GYPC: variants seen among roughly 807,000 people sequenced by gnomAD.
GYPC encodes the protein glycophorin C (Gerbich blood group).
Under a neutral mutation model 12.6 loss-of-function variants are expected in GYPC, and 14 were observed. That is an observed-to-expected ratio of 1.11 (90% CI 0.74 to 1.74). GYPC has a LOEUF of 1.74. Among genes scored for constraint, GYPC ranks in the 40% most tolerant of loss-of-function variants. GYPC has a pLI of 0.00. For synonymous variants in GYPC, 78 were observed against 62.1 expected (o/e 1.26, Z -1.20); for missense variants, 225 against 172.1 (o/e 1.31, Z -1.72).
At chr2:126,675,320 T>C (rs1390406533) in intron 1 of GYPC, among the ~76,000 whole-genome samples, 1 of 152,228 alleles carries the variant, frequency 6.6e-6, no homozygotes, top group Non-Finnish European at 1.5e-5. Context: ...TTTACTGTAA[T>C]TGTGGAAGTG....
intron 1 of GYPC, among the ~76,000 whole-genome samples, chr2:126,668,052 A>G (rs1438833765): frequency 6.6e-6 from 1 of 152,158 alleles, no homozygotes; most frequent in African/African-American, 2.4e-5. Context: ...GACACAGGTA[A>G]CAGTGCCAGG....
At chr2:126,670,684 T>C (rs1682826814) in intron 1 of GYPC, among the ~76,000 whole-genome samples, 1 of 151,948 alleles carries the variant, frequency 6.6e-6, no homozygotes, top group Admixed American at 6.5e-5. Context: ...GTGGATGAAG[T>C]CCCAGACCTA....
chr2:126,663,602 G>A (rs925422040), intron 1 of GYPC, among the ~76,000 whole-genome samples: 1 of 152,214 alleles, frequency 6.6e-6, no homozygotes, highest in African/African-American at 2.4e-5. Context: ...ATGAGTGAAG[G>A]AATGAGTGAA....
Position 126,671,035 on chromosome 2 carries a change from T to C in GYPC, c.49+14723T>C, listed in dbSNP as rs12476680. Among the ~76,000 whole-genome samples, 890 of 152,172 alleles carry C rather than the reference T, an allele frequency of 5.8e-3. 40 individuals carry two copies. Among genetic ancestry groups the C allele is most frequent in the Admixed American group, 0.039 (603 of 15,284 alleles). ...CTAGGCCTGGGCCCACCTGACCCCATTGCACCTCAACCCCGTGAGTGGATG... is the reference window on the plus strand; with the variant it reads ...CTAGGCCTGGGCCCACCTGACCCCACTGCACCTCAACCCCGTGAGTGGATG... On this transcript the variant is annotated intron_variant, in intron 1 of 3. Transcript: ENST00000259254.
intron 1 of GYPC, among the ~76,000 whole-genome samples, chr2:126,688,717 C>T (rs28387197): frequency 0.013 from 2,027 of 151,786 alleles, 49 homozygotes; most frequent in African/African-American, 0.046. Context: ...GGCCCACCTG[C>T]TTCCTGCTGT....
rs55805124 is a variant in GYPC at position 126,678,080 on chromosome 2, GC to G, written c.50-12172del. ...ACTAAAAATACAAGAAAATTAGCCGGCCCTGGTGGCACGCACCTGTAATCCC... is the reference window on the plus strand; with the variant it reads ...ACTAAAAATACAAGAAAATTAGCCGGCCTGGTGGCACGCACCTGTAATCCC... On this transcript the variant is annotated intron_variant, in intron 1 of 3. Coordinates refer to ENST00000259254, the MANE Select transcript of GYPC (RefSeq NM_002101.5). Among the ~76,000 whole-genome samples the G allele has an allele frequency of 3.2e-3, 485 of 152,136 alleles. 1 individual carries two copies. The highest frequency in any genetic ancestry group is 0.011 in the African/African-American group (458 of 41,496).
At chr2:126,691,701 G>T (rs768986625) in intron 2 of GYPC, among the ~76,000 whole-genome samples, 1 of 152,138 alleles carries the variant, frequency 6.6e-6, no homozygotes, top group Admixed American at 6.6e-5. Context: ...TCTTGCAACT[G>T]TTGCAAGGAC....
chr2:126,689,875 G>T (rs570316771), intron 1 of GYPC, among the ~76,000 whole-genome samples: 3 of 152,330 alleles, frequency 2.0e-5, no homozygotes, highest in Non-Finnish European at 4.4e-5. Context: ...CCTGGTGTGA[G>T]CATCAGACAC....
At position 126,696,178 on chromosome 2, in the gene GYPC, C is replaced by G. The variant is rs752050940; in HGVS notation, c.*36C>G. 1 of 1,479,272 alleles carries G rather than the reference C, an allele frequency of 6.8e-7. No individual in the cohort carries two copies. The highest frequency in any genetic ancestry group is 9.4e-7 in the Non-Finnish European group (1 of 1,059,776). 91.6% of individuals were successfully genotyped at this position (1,479,272 alleles called of 1,614,324 possible). On this transcript the variant is annotated 3_prime_UTR_variant, in exon 4 of 4. Coordinates refer to ENST00000259254, the MANE Select transcript of GYPC (RefSeq NM_002101.5). ...ACTTCACTTCCCTGAATGCCTCCCC[C>G]ATCTCCATCAGGAAAAATACACCCC...
At chr2:126,659,496 A>G (rs1304760824) in intron 1 of GYPC, among the ~76,000 whole-genome samples, 1 of 152,168 alleles carries the variant, frequency 6.6e-6, no homozygotes, top group Non-Finnish European at 1.5e-5. Context: ...AGTGGGAATG[A>G]TAACAGCCAC....
chr2:126,667,958 A>C (rs960623618), intron 1 of GYPC, among the ~76,000 whole-genome samples: 1 of 152,192 alleles, frequency 6.6e-6, no homozygotes, highest in Admixed American at 6.5e-5. Flanking sequence ...GGAAGGGGAG[A>C]TCCAGGAGCA....
Position 126,690,294 on chromosome 2 carries a change from A to G in GYPC, c.89A>G (p.His30Arg). The change falls in exon 2 of 4, where the codon CAT becomes CGT. Residue 30 changes from histidine (H) to arginine (R), a missense_variant. By Grantham distance (29) the His-to-Arg change is conservative (BLOSUM62 0). Transcript: ENST00000259254. The part of the protein sequence containing the change: ...PGMASASTTM[H>R]TTTIAEPDPG... ...ATGGCCTCTGCCTCCACCACAATGC[A>G]TACTACCACCATTGCAGGTGAGTTC... 1.2e-6 allele frequency: 2 copies of G among 1,612,312 alleles called. No individual in the cohort carries two copies. Among genetic ancestry groups the G allele is most frequent in the South Asian group, 1.1e-5 (1 of 91,040 alleles).
chr2:126,663,885 A>G (rs559505641), intron 1 of GYPC, among the ~76,000 whole-genome samples: 67 of 150,090 alleles, frequency 4.5e-4, no homozygotes, highest in Admixed American at 2.6e-3. Context: ...TTAGGCAGTC[A>G]TTTCTCCTTT....
At chr2:126,666,297 C>T (rs1682675199) in intron 1 of GYPC, among the ~76,000 whole-genome samples, 2 of 152,180 alleles carry the variant, frequency 1.3e-5, no homozygotes, top group African/African-American at 4.8e-5. Context: ...TCCTGGAATG[C>T]CTCCACCGTG....
intron 2 of GYPC, among the ~76,000 whole-genome samples, chr2:126,691,008 C>A (rs1310670255): frequency 6.6e-6 from 1 of 152,014 alleles, no homozygotes; most frequent in African/African-American, 2.4e-5. Flanking sequence ...CTCTGTGTAA[C>A]CTGGCATTCT....
intron 1 of GYPC, 107 bp from the exon 2 acceptor site, chr2:126,690,147 AT>A (rs1683413459): frequency 7.2e-6 from 6 of 829,178 alleles, no homozygotes; most frequent in East Asian, 4.9e-5. Flanking sequence ...ACTTGAACCC[AT>A]TCTCAGAGCT....
intron 1 of GYPC, among the ~76,000 whole-genome samples, chr2:126,682,391 G>A (rs927396200): frequency 6.6e-6 from 1 of 152,130 alleles, no homozygotes; most frequent in Non-Finnish European, 1.5e-5. Context: ...CCCGGCACAA[G>A]GGCCCCAAAT....
chr2:126,684,644 C>G (rs1467014748), intron 1 of GYPC, among the ~76,000 whole-genome samples: 1 of 152,212 alleles, frequency 6.6e-6, no homozygotes, highest in Non-Finnish European at 1.5e-5. Flanking sequence ...GTCGGTTACA[C>G]AGCGTGCTCC....
intron 1 of GYPC, among the ~76,000 whole-genome samples, chr2:126,678,003 C>T (rs1177852192): frequency 5.3e-5 from 8 of 152,302 alleles, no homozygotes; most frequent in Admixed American, 2.0e-4. Flanking sequence ...GGGCGGATCA[C>T]GAGGTCAGGA....
Sources: gnomAD v4.1 joint callset for allele counts (sites outside exome capture counted in the v4.1 genomes callset) on GRCh38, gnomAD v4.1.1 for gene constraint, MANE v1.5 for transcripts, NCBI Gene and HGNC (gene_info 2026-07-23, HGNC 2026-07-21) for gene names.